CDON: variants seen among roughly 807,000 people sequenced by gnomAD.
The protein encoded by CDON is cell adhesion molecule-related/down-regulated by oncogenes.
CDON carries 73 observed loss-of-function variants against 120.9 expected under a neutral mutation model. The observed-to-expected ratio is 0.60, with a 90% CI of 0.50 to 0.73. The LOEUF (loss-of-function observed/expected upper bound fraction) is 0.73. CDON is among the 30% of genes least tolerant of loss of function. The probability of loss-of-function intolerance (pLI) is 0.00; values close to 1 mark genes in which losing one functional copy is unlikely to be tolerated. For missense variants in CDON, 1,470 were observed against 1,587.3 expected (o/e 0.93, Z 1.26); for synonymous variants, 566 against 573.5 (o/e 0.99, Z 0.19).
chr11:126,022,770 AAAAAT>A (rs1384023624), intron 2 of CDON, among the ~76,000 whole-genome samples: 1 of 152,238 alleles, frequency 6.6e-6, no homozygotes, highest in African/African-American at 2.4e-5. Context: ...AGCAGATATT[AAAAAT>A]AAATAGTACT....
chr11:126,053,118 AT>A (rs1366817279), intron 1 of CDON, among the ~76,000 whole-genome samples: 1 of 152,226 alleles, frequency 6.6e-6, no homozygotes, highest in African/African-American at 2.4e-5. Context: ...CCTCACTATA[AT>A]TCTTATTACT....
Position 125,997,408 on chromosome 11 carries a change from G to C in CDON, c.2161C>G (p.Pro721Ala), listed in dbSNP as rs1344550777. 2 of 1,607,782 alleles carry C rather than the reference G, an allele frequency of 1.2e-6. No individual in the cohort carries two copies. Among genetic ancestry groups the C allele is most frequent in the African/African-American group, 2.7e-5 (2 of 74,762 alleles). ...LTDSSRHSGV[P>A]EAPDRPTIST... is the part of the protein sequence containing the mutation. ...ATGGTAGGCCGATCTGGTGCCTCTG[G>C]AACTAAACACGGAAACGTTCATTTC... The change falls in exon 12 of 20, where the codon CCA becomes GCA. Residue 721 changes from proline (P) to alanine (A), a missense_variant and splice_region_variant. Coordinates refer to ENST00000531738, the MANE Select transcript of CDON (RefSeq NM_001378964.1).
chr11:125,988,673 G>A (rs529732794), intron 15 of CDON, among the ~76,000 whole-genome samples: 1 of 152,270 alleles, frequency 6.6e-6, no homozygotes, highest in South Asian at 2.1e-4. Flanking sequence ...GGTTTTGCTC[G>A]TAAACATCTA....
At chr11:126,047,297 A>C (rs566135744) in intron 1 of CDON, among the ~76,000 whole-genome samples, 1 of 152,314 alleles carries the variant, frequency 6.6e-6, no homozygotes, top group South Asian at 2.1e-4. Context: ...GATGGTGTTC[A>C]GTTGCTTGAA....
chr11:126,050,282 C>T (rs935462363), intron 1 of CDON, among the ~76,000 whole-genome samples: 2 of 151,452 alleles, frequency 1.3e-5, no homozygotes, highest in Non-Finnish European at 2.9e-5. Flanking sequence ...TAAACACATA[C>T]AACTGTGCAA....
intron 18 of CDON, among the ~76,000 whole-genome samples, chr11:125,963,898 G>A (rs756766684): frequency 6.6e-6 from 1 of 152,180 alleles, no homozygotes; most frequent in Non-Finnish European, 1.5e-5. Flanking sequence ...GCAGAAGGAC[G>A]TTAACTGGAG....
intron 1 of CDON, among the ~76,000 whole-genome samples, chr11:126,026,058 A>G (rs1289870919): frequency 1.3e-5 from 2 of 152,222 alleles, no homozygotes; most frequent in African/African-American, 4.8e-5. Context: ...GCTTTACAAA[A>G]TTTTAGTGCC....
At chr11:126,055,259 G>T (rs10466542) in intron 1 of CDON, among the ~76,000 whole-genome samples, 4 of 151,840 alleles carry the variant, frequency 2.6e-5, no homozygotes, top group Non-Finnish European at 4.4e-5. Flanking sequence ...CAAAGTTTGA[G>T]GAGGAGGATG....
At chr11:125,973,079 A>G (rs1946051450) in intron 18 of CDON, among the ~76,000 whole-genome samples, 1 of 138,992 alleles carries the variant, frequency 7.2e-6, no homozygotes, top group South Asian at 2.3e-4. Flanking sequence ...TCTCCTTCTA[A>G]ATCCTAATTC....
intron 1 of CDON, among the ~76,000 whole-genome samples, chr11:126,048,081 A>G (rs1244437127): frequency 6.6e-6 from 1 of 152,072 alleles, no homozygotes; most frequent in East Asian, 1.9e-4. Context: ...GTTCAAGACC[A>G]GCCTGGCCAA....
intron 6 of CDON, among the ~76,000 whole-genome samples, chr11:126,016,870 G>C (rs538818952): frequency 6.6e-6 from 1 of 152,044 alleles, no homozygotes; most frequent in Admixed American, 6.6e-5. Flanking sequence ...CGAGGTTGGG[G>C]GTGAGGTTCC....
chr11:126,018,352 A>G lies in CDON; in HGVS notation c.618T>C (p.Ile206=), dbSNP rs1346751621. Residue 206 remains isoleucine, a synonymous_variant, in exon 5 of 20, where the codon ATT becomes ATC. Coordinates refer to ENST00000531738, the MANE Select transcript of CDON (RefSeq NM_001378964.1). Reference sequence around the variant, plus strand: ...TACGACTCACAAGGAGCTTTCGGCCAATAGGTTCAACTTTTAATTGATGTG... The same window carrying G: ...TACGACTCACAAGGAGCTTTCGGCCGATAGGTTCAACTTTTAATTGATGTG... ...PVTHQLKVEP[I]GRKLLVSRPS... The G allele has an allele frequency of 1.2e-6, 2 of 1,614,082 alleles. No homozygotes were observed. The highest frequency in any genetic ancestry group is 1.7e-6 in the Non-Finnish European group (2 of 1,179,974).
intron 1 of CDON, among the ~76,000 whole-genome samples, chr11:126,029,790 G>C (rs1371433846): frequency 6.6e-6 from 1 of 152,154 alleles, no homozygotes; most frequent in Non-Finnish European, 1.5e-5. Context: ...GACATTCTGA[G>C]TGGGTGATTT....
At chr11:126,044,034 A>G (rs1948336064) in intron 1 of CDON, among the ~76,000 whole-genome samples, 1 of 152,220 alleles carries the variant, frequency 6.6e-6, no homozygotes, top group Non-Finnish European at 1.5e-5. Flanking sequence ...ACATGACATT[A>G]TAGAATGCTG....
At chr11:125,978,206 C>G in intron 18 of CDON, 98 bp downstream of exon 18, 1 of 757,838 alleles carries the variant, frequency 1.3e-6, no homozygotes, top group East Asian at 2.7e-5. Flanking sequence ...ACTTTATATC[C>G]TAGGTAAAAT....
intron 1 of CDON, among the ~76,000 whole-genome samples, chr11:126,049,712 C>T (rs1948506482): frequency 6.6e-6 from 1 of 152,148 alleles, no homozygotes; most frequent in South Asian, 2.1e-4. Flanking sequence ...TCACTTAAAA[C>T]TGCAAAGCCT....
chr11:125,966,123 G>A (rs1300518126), intron 18 of CDON, among the ~76,000 whole-genome samples: 7 of 146,346 alleles, frequency 4.8e-5, no homozygotes, highest in African/African-American at 7.6e-5. Context: ...GGCAAGAAGC[G>A]CGAAATTCCA....
intron 7 of CDON, 97 bp from the exon 8 acceptor site, chr11:126,010,791 A>T (rs1463516411): frequency 4.2e-6 from 4 of 959,380 alleles, no homozygotes; most frequent in Non-Finnish European, 6.6e-6. Flanking sequence ...GGGAGTAATG[A>T]TTAAAACCAA....
intron 18 of CDON, among the ~76,000 whole-genome samples, chr11:125,967,951 G>A (rs1199949120): frequency 6.6e-6 from 1 of 152,110 alleles, no homozygotes; most frequent in Admixed American, 6.5e-5. Flanking sequence ...TGAACTCCTA[G>A]GCTCAGGCAA....
Sources: allele counts gnomAD v4.1 joint callset (sites outside exome capture counted in the v4.1 genomes callset), GRCh38; gene constraint gnomAD v4.1.1; transcripts MANE v1.5; gene names NCBI Gene and HGNC (gene_info 2026-07-23, HGNC 2026-07-21).